Variants in ACTR3C observed in about 807,000 individuals in gnomAD.
ACTR3C encodes the protein actin related protein 3C.
In ACTR3C, 18 loss-of-function variants were observed where a neutral mutation model predicts 26.3. The ratio of observed to expected loss-of-function variants is 0.68; its 90% CI spans 0.47 to 1.01. ACTR3C has a LOEUF of 1.01. ACTR3C is among the 50% of genes least tolerant of loss of function. ACTR3C has a pLI of 0.00. For missense variants in ACTR3C, 184 were observed against 250.7 expected (o/e 0.73, Z 1.80); for synonymous variants, 55 against 94.5 (o/e 0.58, Z 2.42).
the ACTR3C span, among the ~76,000 whole-genome samples, chr7:150,082,934 C>CTTTTCTTTTTTTCTTTTTTTT: frequency 9.5e-6 from 1 of 104,984 alleles, no homozygotes. Flanking sequence ...TCTTTTTTTT[C>CTTTTCTTTTTTTCTTTTTTTT]TTTTTTTTTT....
chr7:150,055,541 A>T, the ACTR3C span, among the ~76,000 whole-genome samples: 1 of 152,026 alleles, frequency 6.6e-6, no homozygotes, highest in African/African-American at 2.4e-5. Flanking sequence ...GAATCAAAAA[A>T]GAATGCAGTC....
At chr7:150,022,909 A>C in the ACTR3C span, among the ~76,000 whole-genome samples, 1 of 151,610 alleles carries the variant, frequency 6.6e-6, no homozygotes, top group Non-Finnish European at 1.5e-5. Flanking sequence ...GTTCCTCTTC[A>C]TGATTGTCTT....
the ACTR3C span, among the ~76,000 whole-genome samples, chr7:150,186,403 G>C: frequency 1.2e-4 from 19 of 152,078 alleles, no homozygotes; most frequent in Non-Finnish European, 2.2e-4. Flanking sequence ...GAGACACCAG[G>C]TTGTGATCCA....
At chr7:150,314,573 T>C (rs1285633946) in intron 1 of ACTR3C, among the ~76,000 whole-genome samples, 2 of 152,130 alleles carry the variant, frequency 1.3e-5, no homozygotes, top group Non-Finnish European at 2.9e-5. Flanking sequence ...TAGTTACTCT[T>C]TGAGGTGTTT....
the ACTR3C span, among the ~76,000 whole-genome samples, chr7:150,195,782 G>C: frequency 2.6e-5 from 4 of 152,226 alleles, no homozygotes; most frequent in Non-Finnish European, 4.4e-5. Context: ...GGGAGGCTGA[G>C]GCAGGAGAAT....
chr7:150,047,794 G>C, the ACTR3C span: 1 of 1,528,922 alleles, frequency 6.5e-7, no homozygotes, highest in Non-Finnish European at 8.8e-7. Flanking sequence ...GCCTCCGGGG[G>C]CGTGGGGAAG....
chr7:150,087,876 A>T, the ACTR3C span, among the ~76,000 whole-genome samples: 1 of 152,272 alleles, frequency 6.6e-6, no homozygotes, highest in African/African-American at 2.4e-5. Flanking sequence ...AGATAAGGAA[A>T]CTGCCAATAA....
chr7:150,270,719 T>C (rs1320623559), intron 6 of ACTR3C, among the ~76,000 whole-genome samples: 1 of 151,964 alleles, frequency 6.6e-6, no homozygotes, highest in Non-Finnish European at 1.5e-5. Context: ...TATAGACCAA[T>C]TTGTAAAGTA....
the ACTR3C span, among the ~76,000 whole-genome samples, chr7:149,981,814 G>C: frequency 1.2e-4 from 19 of 152,270 alleles, no homozygotes; most frequent in Non-Finnish European, 2.1e-4. Flanking sequence ...CCCTCACCTG[G>C]AGAAGAAAAC....
chr7:150,018,661 C>T, the ACTR3C span, among the ~76,000 whole-genome samples: 2 of 150,256 alleles, frequency 1.3e-5, no homozygotes, highest in Non-Finnish European at 2.9e-5. Context: ...TTTCTAGCCT[C>T]CAAATATTCT....
the ACTR3C span, among the ~76,000 whole-genome samples, chr7:150,121,550 GA>G: frequency 6.7e-6 from 1 of 148,220 alleles, no homozygotes; most frequent in Non-Finnish European, 1.5e-5. Context: ...TCTTCAAGGA[GA>G]ACTACAAACC....
At chr7:150,275,924 C>T (rs182611976) in intron 6 of ACTR3C, among the ~76,000 whole-genome samples, 4 of 152,240 alleles carry the variant, frequency 2.6e-5, no homozygotes, top group African/African-American at 7.2e-5. Context: ...GCTTCCCACC[C>T]GGGGTCAGCC....
chr7:150,240,269 C>T (rs2129608355), downstream of ACTR3C, among the ~76,000 whole-genome samples: 1 of 152,274 alleles, frequency 6.6e-6, no homozygotes, highest in African/African-American at 2.4e-5. Flanking sequence ...GTTGTGTAAA[C>T]ATCACTGCTA....
At chr7:150,040,864 C>T in the ACTR3C span, among the ~76,000 whole-genome samples, 1,778 of 148,828 alleles carry the variant, frequency 0.012, 166 homozygotes, top group African/African-American at 0.044. Flanking sequence ...GGCTGGCTCT[C>T]AACCACCACG....
chr7:150,246,156 A>T (rs1832453168), downstream of ACTR3C: 1 of 151,948 alleles, frequency 6.6e-6, no homozygotes, highest in African/African-American at 2.4e-5. Context: ...AACCCATTTC[A>T]CTCTCCATTT....
chr7:149,995,569 G>A, the ACTR3C span, among the ~76,000 whole-genome samples: 6 of 152,268 alleles, frequency 3.9e-5, no homozygotes, highest in Non-Finnish European at 5.9e-5. Context: ...TTAATACTGC[G>A]TTGTTTGTTG....
At chr7:150,048,949 G>A in the ACTR3C span, among the ~76,000 whole-genome samples, 1 of 152,152 alleles carries the variant, frequency 6.6e-6, no homozygotes. Flanking sequence ...CCCGCAGAGA[G>A]CCCGGCTGTG....
At chr7:149,905,358 T>G in the ACTR3C span, among the ~76,000 whole-genome samples, 1 of 151,584 alleles carries the variant, frequency 6.6e-6, no homozygotes, top group Non-Finnish European at 1.5e-5. Flanking sequence ...TTGGGACAAC[T>G]AGCCTTCCGC....
At chr7:150,306,603 T>C (rs1372545086) in intron 1 of ACTR3C, among the ~76,000 whole-genome samples, 2 of 152,112 alleles carry the variant, frequency 1.3e-5, no homozygotes, top group Non-Finnish European at 2.9e-5. Flanking sequence ...TCCCAACACT[T>C]TGGGAGGCTA....
Sources: gnomAD v4.1 joint callset for allele counts (sites outside exome capture counted in the v4.1 genomes callset) on GRCh38, gnomAD v4.1.1 for gene constraint, MANE v1.5 for transcripts, NCBI Gene and HGNC (gene_info 2026-07-23, HGNC 2026-07-21) for gene names.